HCRTR2: variants seen among roughly 807,000 people sequenced by gnomAD.
HCRTR2 encodes hypocretin receptor 2.
A neutral mutation model predicts 49.0 loss-of-function variants in HCRTR2; 22 were observed. That is an observed-to-expected ratio of 0.45 (90% CI 0.32 to 0.64). HCRTR2 has a LOEUF of 0.64. HCRTR2 is among the 30% of genes least tolerant of loss of function. The pLI is 0.04. For synonymous variants in HCRTR2, 236 were observed against 205.3 expected (o/e 1.15, Z -1.28); for missense variants, 491 against 559.4 (o/e 0.88, Z 1.23).
At chr6:55,149,118 A>T (rs1419593428) in intron 1 of HCRTR2, among the ~76,000 whole-genome samples, 3 of 152,048 alleles carry the variant, frequency 2.0e-5, no homozygotes, top group Non-Finnish European at 4.4e-5. Context: ...CTTTCCCACC[A>T]CAGAGACCCT....
intron 1 of HCRTR2, among the ~76,000 whole-genome samples, chr6:55,241,941 T>G (rs1766343422): frequency 6.8e-6 from 1 of 146,120 alleles, no homozygotes; most frequent in Non-Finnish European, 1.5e-5. Context: ...AAATCTCGGC[T>G]CACTGCAGCC....
chr6:55,194,536 A>C (rs1468532477), intron 1 of HCRTR2, among the ~76,000 whole-genome samples: 1 of 152,140 alleles, frequency 6.6e-6, no homozygotes, highest in Non-Finnish European at 1.5e-5. Flanking sequence ...ATAATAAAAT[A>C]TGTCTGAGAT....
chr6:55,154,748 G>A (rs1216153910), intron 1 of HCRTR2, among the ~76,000 whole-genome samples: 1 of 151,252 alleles, frequency 6.6e-6, no homozygotes, highest in Non-Finnish European at 1.5e-5. Context: ...CACCAAATTG[G>A]AAAGGAAGAA....
At chr6:55,170,996 G>A (rs1267560776), upstream of HCRTR2, among the ~76,000 whole-genome samples, 2 of 151,920 alleles carry the variant, frequency 1.3e-5, no homozygotes, top group Admixed American at 1.3e-4. Flanking sequence ...GGACATTTGG[G>A]TTGGTTCCAA....
chr6:55,109,654 C>T (rs898183377), intron 1 of HCRTR2, among the ~76,000 whole-genome samples: 3 of 149,356 alleles, frequency 2.0e-5, no homozygotes, highest in African/African-American at 4.9e-5. Flanking sequence ...TGAATTAACA[C>T]AATCTGATAA....
intron 1 of HCRTR2, among the ~76,000 whole-genome samples, chr6:55,115,123 A>G (rs1764097817): frequency 6.6e-6 from 1 of 151,784 alleles, no homozygotes; most frequent in Admixed American, 6.6e-5. Context: ...TATAATCCTG[A>G]GTTTATTACC....
chr6:55,107,130 A>G (rs1763984923), intron 1 of HCRTR2, among the ~76,000 whole-genome samples: 1 of 152,086 alleles, frequency 6.6e-6, no homozygotes, highest in Admixed American at 6.6e-5. Context: ...TTCCGTGTAG[A>G]TGTCTTGTTT....
intron 1 of HCRTR2, among the ~76,000 whole-genome samples, chr6:55,164,611 C>G (rs6921056): frequency 0.25 from 37,463 of 151,850 alleles, 5,047 homozygotes; most frequent in East Asian, 0.5. Context: ...ACATCACACA[C>G]CAGGGCCTGT....
At position 55,123,598 on chromosome 6, in the gene HCRTR2, G is replaced by T. The variant is rs187525749; in HGVS notation, c.-378+17053G>T. 5.3e-5 allele frequency among the ~76,000 whole-genome samples: 8 copies of T among 151,974 alleles called. No homozygotes were observed. The East Asian group carries it at 1.6e-3, about 29-fold the overall frequency. On this transcript the variant is annotated intron_variant, in intron 1 of 7. Coordinates refer to the HCRTR2 transcript ENST00000615358. ...TGGCCTGAAATTTTCCTTTTTTGTT[G>T]TGTCTCTGCCAGGTTTTGCTATTAG...
In HCRTR2 at chr6:55,253,213, C is replaced by CGCA. The variant is rs1766587269; in HGVS notation, c.403-1923_403-1922insGCA. On this transcript the variant is annotated intron_variant, in intron 2 of 6. Transcript: ENST00000370862. The stretch of plus-strand genomic sequence containing the variant: ...CATTTAGCACACACACACACACACA[C>CGCA]ACACGCAACACACAACACACAACAC... Among the ~76,000 whole-genome samples, 7 of 152,026 alleles carry CGCA rather than the reference C, an allele frequency of 4.6e-5. No individual in the cohort carries two copies. In the East Asian group the frequency reaches 5.8e-4, roughly 13 times the overall value.
chr6:55,232,922 G>T (rs1766141895), intron 1 of HCRTR2, among the ~76,000 whole-genome samples: 2 of 152,052 alleles, frequency 1.3e-5, no homozygotes, highest in Non-Finnish European at 2.9e-5. Flanking sequence ...TCTTCAAAAA[G>T]AATGATTTTA....
chr6:55,133,690 T>TATC (rs1554167211), intron 1 of HCRTR2, among the ~76,000 whole-genome samples: 2 of 150,218 alleles, frequency 1.3e-5, no homozygotes, highest in African/African-American at 2.5e-5. Flanking sequence ...TCTATCTATC[T>TATC]ATCTATCTAT....
chr6:55,208,851 G>GA (rs1765650057), intron 1 of HCRTR2, among the ~76,000 whole-genome samples: 1 of 152,136 alleles, frequency 6.6e-6, no homozygotes, highest in African/African-American at 2.4e-5. Flanking sequence ...ACAAATAAAA[G>GA]AACCATGCAT....
At chr6:55,264,880 C>G (rs1766834034) in intron 4 of HCRTR2, among the ~76,000 whole-genome samples, 1 of 152,064 alleles carries the variant, frequency 6.6e-6, no homozygotes, top group Non-Finnish European at 1.5e-5. Context: ...CTGGAGTCAC[C>G]TTAATTCATT....
In HCRTR2 at chr6:55,193,753, G is replaced by A. The variant is rs138388179; in HGVS notation, c.223+18943G>A. 5.8e-3 allele frequency among the ~76,000 whole-genome samples: 879 copies of A among 151,968 alleles called. 8 individuals are homozygous for A. Among genetic ancestry groups the A allele is most frequent in the African/African-American group, 0.019 (772 of 41,468 alleles). On this transcript the variant is annotated intron_variant, in intron 1 of 6. Transcript: ENST00000370862. ...TTTCTTTTAGTTGATTTAAAAAAAG[G>A]TCATTTATGACCTATTTAGGTTAGC...
chr6:55,262,210 A>G (rs957756474), intron 3 of HCRTR2, among the ~76,000 whole-genome samples: 2 of 151,238 alleles, frequency 1.3e-5, no homozygotes, highest in South Asian at 2.1e-4. Context: ...AGAAATCACC[A>G]CTGAAGATTC....
At chr6:55,208,458 C>T (rs1045550952) in intron 1 of HCRTR2, among the ~76,000 whole-genome samples, 1 of 151,284 alleles carries the variant, frequency 6.6e-6, no homozygotes, top group African/African-American at 2.4e-5. Context: ...CACCATTGCA[C>T]TCCAGTCTGG....
chr6:55,271,316 G>A (rs188679659), intron 4 of HCRTR2, among the ~76,000 whole-genome samples: 12 of 152,108 alleles, frequency 7.9e-5, no homozygotes, highest in East Asian at 5.8e-4. Context: ...GACAACAAAT[G>A]GTGTTAAGAC....
chr6:55,175,472 A>C (rs9475189), intron 1 of HCRTR2, among the ~76,000 whole-genome samples: 45,130 of 151,856 alleles, frequency 0.3, 7,166 homozygotes, highest in Middle Eastern at 0.45. Context: ...GATCTCAATC[A>C]TCCATCCATC....
Sources: allele counts gnomAD v4.1 joint callset (sites outside exome capture counted in the v4.1 genomes callset), GRCh38; gene constraint gnomAD v4.1.1; transcripts MANE v1.5; gene names NCBI Gene and HGNC (gene_info 2026-07-23, HGNC 2026-07-21).